The following CARD14 variants were observed in gnomAD, a reference collection of about 807,000 sequenced individuals.
CARD14 encodes caspase recruitment domain family member 14, also known as caspase recruitment domain-containing protein 14.
In CARD14, 107 loss-of-function variants were observed where a neutral mutation model predicts 111.5. The observed-to-expected ratio is 0.96, with a 90% CI of 0.82 to 1.13. The LOEUF is 1.13. Ranked by LOEUF, CARD14 falls within the 50% of genes most tolerant of loss-of-function variation. The probability of loss-of-function intolerance (pLI) is 0.00; values close to 1 mark genes in which losing one functional copy is unlikely to be tolerated. For synonymous variants in CARD14, 617 were observed against 579.6 expected (o/e 1.06, Z -0.93); for missense variants, 1,322 against 1,362.3 (o/e 0.97, Z 0.47).
In CARD14 at chr17:80,198,501, C is replaced by A. The variant is rs200610907; in HGVS notation, c.1761C>A (p.Gly587=). ...DALLEQISVI[G]GNLTGIFIHR... ...TGCTGGAGCAGATCAGCGTCATCGGCGGGAACCTCACGGGCATCTTCATCC... is the reference window on the plus strand; with the variant it reads ...TGCTGGAGCAGATCAGCGTCATCGGAGGGAACCTCACGGGCATCTTCATCC... Residue 587 remains glycine (G), a synonymous_variant, in exon 16 of 24, where the codon GGC becomes GGA. Coordinates refer to ENST00000648509, the MANE Select transcript of CARD14 (RefSeq NM_001366385.1). This position sits in a 1 kb window ranked among gnomAD's most constrained non-coding sequence, Gnocchi z 7.5. The A allele has an allele frequency of 2.5e-6, 4 of 1,613,208 alleles. No homozygotes were observed. In the African/African-American group the frequency reaches 5.3e-5, roughly 22 times the overall value.
intron 2 of CARD14, among the ~76,000 whole-genome samples, chr17:80,174,764 T>A (rs2039984916): frequency 6.6e-6 from 1 of 152,128 alleles, no homozygotes; most frequent in Non-Finnish European, 1.5e-5. Context: ...TCCCCACTCC[T>A]GCTGAGGACT....
Position 80,183,905 on chromosome 17 carries a change from G to GT in CARD14, c.350-8_350-7insT. The GT allele has an allele frequency of 6.8e-7, 1 of 1,476,906 alleles. No individual in the cohort carries two copies. The highest frequency in any genetic ancestry group is 9.0e-7 in the Non-Finnish European group (1 of 1,112,754). 91.5% of individuals were successfully genotyped at this position (1,476,906 alleles called of 1,614,324 possible). On this transcript the variant is annotated splice_polypyrimidine_tract_variant and splice_region_variant and intron_variant, in intron 6 of 23. Transcript: ENST00000648509. The stretch of plus-strand genomic sequence containing the variant: ...TGCTCACTTGCTCACCTGCCCATCT[G>GT]CCCACAGGTCTCATGGAGACATCCA...
rs1374152385 is a variant in CARD14 at position 80,181,612 on chromosome 17, G to A, written c.174G>A (p.Leu58=). ...GCCAGCTGGACGAGGAGGAGGTGCT[G>A]CACAGCCCCCGGCTCACCAACAGCG... The part of the protein sequence containing the change: ...VLCQLDEEEV[L]HSPRLTNSAM... The change falls in exon 5 of 24, where the codon CTG becomes CTA. Residue 58 remains leucine (L), a synonymous_variant. Transcript: ENST00000648509. 1.3e-6 allele frequency: 2 copies of A among 1,555,704 alleles called. No individual in the cohort carries two copies. Among genetic ancestry groups the A allele is most frequent in the African/African-American group, 1.4e-5 (1 of 73,362 alleles).
chr17:80,188,499 C>A lies in CARD14; in HGVS notation c.798C>A (p.Arg266=). Residue 266 remains arginine (R), a synonymous_variant, in exon 8 of 24, where the codon CGC becomes CGA. Transcript: ENST00000648509. This position sits in a 1 kb window ranked among gnomAD's most constrained non-coding sequence, Gnocchi z 4.5. ...AGTCCGGGGATGAGGAGCTGAACCG[C>A]CTGAAGGAGGAGAATGAGAAACTGC... ...DQESGDEELN[R]LKEENEKLRS... 1 of 1,566,428 alleles carries A rather than the reference C, an allele frequency of 6.4e-7. No individual in the cohort carries two copies. The highest frequency in any genetic ancestry group is 1.2e-5 in the South Asian group (1 of 84,836).
Position 80,203,510 on chromosome 17 carries a change from T to G in CARD14, c.2220-312T>G. ...CAGGCTGCAGGCCAGGGACCCACCA[T>G]GAATATTGAGGTCCTGGAGTGGGGC... On this transcript the variant is annotated intron_variant, in intron 18 of 23. Coordinates refer to ENST00000648509, the MANE Select transcript of CARD14 (RefSeq NM_001366385.1). The surrounding 1 kb of genome is among the most constrained non-coding windows in gnomAD (Gnocchi z 4.6). The G allele has an allele frequency of 4.5e-5, 13 of 291,246 alleles. No individual in the cohort carries two copies. Among genetic ancestry groups the G allele is most frequent in the East Asian group, 1.9e-4 (3 of 15,772 alleles). 18.0% of individuals were successfully genotyped at this position (291,246 alleles called of 1,614,324 possible).
In CARD14 at chr17:80,195,338, A is replaced by AGCACTGGGGTCCTTCCTGGCACTGGGGTG; in HGVS notation, c.1499+27_1499+55dup. 6.2e-7 allele frequency: 1 copy of AGCACTGGGGTCCTTCCTGGCACTGGGGTG among 1,605,662 alleles called. No individual in the cohort carries two copies. Among genetic ancestry groups the AGCACTGGGGTCCTTCCTGGCACTGGGGTG allele is most frequent in the East Asian group, 2.2e-5 (1 of 44,662 alleles). On this transcript the variant is annotated splice_donor_region_variant and intron_variant, in intron 13 of 23. Coordinates refer to ENST00000648509, the MANE Select transcript of CARD14 (RefSeq NM_001366385.1). The surrounding 1 kb of genome is among the most constrained non-coding windows in gnomAD (Gnocchi z 4.7). ...GGAAGAACCCTGGTCTTTCAGGTAG[A>AGCACTGGGGTCCTTCCTGGCACTGGGGTG]GCACTGGGGTCCTTCCTGGCACTGG...
Position 80,184,536 on chromosome 17 carries a change from C to T in CARD14, c.675+298C>T, listed in dbSNP as rs185329387. ...CTGCTGACGCCTGGGCAGGTCTGGA[C>T]ACACTCTGGGCTGCATATTTGTAGG... On this transcript the variant is annotated intron_variant, in intron 7 of 23. Coordinates refer to ENST00000648509, the MANE Select transcript of CARD14 (RefSeq NM_001366385.1). 3.7e-3 allele frequency among the ~76,000 whole-genome samples: 560 copies of T among 152,348 alleles called. 2 individuals carry two copies. Among genetic ancestry groups the T allele is most frequent in the African/African-American group, 0.012 (512 of 41,584 alleles).
Position 80,192,557 on chromosome 17 carries a change from G to T in CARD14, c.1294G>T (p.Val432Leu). The T allele has an allele frequency of 1.2e-6, 2 of 1,613,672 alleles. No homozygotes were observed. The highest frequency in any genetic ancestry group is 1.7e-6 in the Non-Finnish European group (2 of 1,179,978). The change falls in exon 12 of 24, where the codon GTG becomes TTG. Residue 432 changes from valine (V) to leucine (L), a missense_variant. Val to Leu is a conservative substitution (Grantham distance 32). Coordinates refer to ENST00000648509, the MANE Select transcript of CARD14 (RefSeq NM_001366385.1). ...EPCPREKQRL[V>L]RMHAICPRDD... The stretch of plus-strand genomic sequence containing the variant: ...CTGTCCACGGGAGAAGCAGCGGCTG[G>T]TGCGGATGCATGCCATCTGCCCCAG...
At chr17:80,204,193 GCTC>G in intron 19 of CARD14, 31 bp from the exon 20 acceptor site, 2 of 1,553,370 alleles carry the variant, frequency 1.3e-6, no homozygotes, top group Non-Finnish European at 1.8e-6. Flanking sequence ...GGCTTCAACA[GCTC>G]CTCCTCATCC....
chr17:80,188,578 C>G lies in CARD14; in HGVS notation c.843+34C>G. 1.4e-6 allele frequency: 2 copies of G among 1,430,706 alleles called. No individual in the cohort carries two copies. The highest frequency in any genetic ancestry group is 9.2e-7 in the Non-Finnish European group (1 of 1,087,806). The allele number at this position is 1,430,706 out of a possible 1,614,324, so 88.6% of individuals were successfully genotyped here. A position where few individuals can be genotyped will look rare whatever the true frequency, so the allele number is the denominator to read the frequency against. ...CGGTCCCCGCAGCAGAGAGCGGCCT[C>G]CTGCCTTGGGGGCTTGGCCCTCAGG... On this transcript the variant is annotated intron_variant, in intron 8 of 23. Transcript: ENST00000648509. The surrounding 1 kb of genome is among the most constrained non-coding windows in gnomAD (Gnocchi z 4.5).
chr17:80,175,745 T>A (rs1395481434), intron 2 of CARD14, among the ~76,000 whole-genome samples: 1 of 151,948 alleles, frequency 6.6e-6, no homozygotes, highest in African/African-American at 2.4e-5. Context: ...CTGGCTGGGA[T>A]GGGGGCCCAG....
At chr17:80,193,736 C>T (rs1009745383) in intron 12 of CARD14, among the ~76,000 whole-genome samples, 9 of 152,224 alleles carry the variant, frequency 5.9e-5, no homozygotes, top group Non-Finnish European at 8.8e-5. Context: ...TGGGGGAGGC[C>T]GGGATCTTCC....
chr17:80,204,138 C>T (rs914700077), intron 19 of CARD14, 89 bp from the exon 20 acceptor site: 63 of 1,271,152 alleles, frequency 5.0e-5, no homozygotes, highest in Middle Eastern at 1.9e-4. Flanking sequence ...ACTCCCAGGT[C>T]GCCCTAGTGC....
At chr17:80,190,271 C>T (rs189171724) in intron 9 of CARD14, among the ~76,000 whole-genome samples, 1,606 of 152,230 alleles carry the variant, frequency 0.011, 16 homozygotes, top group South Asian at 0.042. Flanking sequence ...TTAATTCAGA[C>T]GTAATCAGCC....
intron 1 of CARD14, among the ~76,000 whole-genome samples, chr17:80,171,293 T>G (rs908619164): frequency 1.3e-5 from 2 of 149,810 alleles, no homozygotes; most frequent in Non-Finnish European, 3.0e-5. Context: ...CTTCTTTTCT[T>G]TCTTTCTTTC....
intron 4 of CARD14, among the ~76,000 whole-genome samples, chr17:80,180,406 G>A (rs986981285): frequency 1.3e-5 from 2 of 152,128 alleles, no homozygotes; most frequent in African/African-American, 2.4e-5. Flanking sequence ...CCCCGCAGCC[G>A]AGCCGTGCTG....
chr17:80,190,692 C>T, intron 9 of CARD14, 82 bp from the exon 10 acceptor site: 1 of 1,544,148 alleles, frequency 6.5e-7, no homozygotes, highest in East Asian at 2.3e-5. Context: ...CCTCCCTCCA[C>T]CCCTGGGTTC....
At chr17:80,191,495 A>G in intron 11 of CARD14, 23 bp downstream of exon 11, 1 of 1,602,172 alleles carries the variant, frequency 6.2e-7, no homozygotes, top group African/African-American at 1.3e-5. Flanking sequence ...GGCTGACCCG[A>G]GCTGGAGGCC....
chr17:80,204,819 G>C, intron 20 of CARD14: 1 of 507,100 alleles, frequency 2.0e-6, no homozygotes, highest in South Asian at 3.4e-5. Flanking sequence ...AGTCCCTGGA[G>C]AGCCACAGAG....
Sources: gnomAD v4.1 joint callset for allele counts (sites outside exome capture counted in the v4.1 genomes callset) on GRCh38, gnomAD v4.1.1 for gene constraint, Gnocchi (gnomAD v3.1) non-coding constraint, MANE v1.5 for transcripts, NCBI Gene and HGNC (gene_info 2026-07-23, HGNC 2026-07-21) for gene names.